The following TENM2 variants were observed in gnomAD, a reference collection of about 807,000 sequenced individuals.
The protein encoded by TENM2 is teneurin transmembrane protein 2.
In TENM2, 52 loss-of-function variants were observed where a neutral mutation model predicts 245.2. That is an observed-to-expected ratio of 0.21 (90% CI 0.17 to 0.27). The LOEUF (loss-of-function observed/expected upper bound fraction) is 0.27. Ranked by LOEUF, TENM2 falls within the 10% of genes least tolerant of loss-of-function variation. TENM2 has a pLI of 1.00. For synonymous variants in TENM2, 1,363 were observed against 1,438.9 expected (o/e 0.95, Z 1.19); for missense variants, 3,046 against 3,666.8 (o/e 0.83, Z 4.37).
chr5:167,379,073 A>T (rs758106218), intron 2 of TENM2, among the ~76,000 whole-genome samples: 8 of 152,194 alleles, frequency 5.3e-5, no homozygotes, highest in Non-Finnish European at 1.0e-4. Context: ...ACCCAAAGTA[A>T]ATAAGTACAA....
intron 1 of TENM2, among the ~76,000 whole-genome samples, chr5:167,372,702 ATATCT>A (rs1760509538): frequency 6.6e-6 from 1 of 152,266 alleles, no homozygotes. Context: ...ATGAAGCAAC[ATATCT>A]TATGACTCTG....
chr5:167,952,540 A>G (rs1216835838), intron 3 of TENM2, 48 bp from the exon 6 acceptor site: 2 of 1,482,398 alleles, frequency 1.3e-6, no homozygotes, highest in East Asian at 2.5e-5. Flanking sequence ...AGAGTGCCTG[A>G]GACTGGAATT....
intron 2 of TENM2, among the ~76,000 whole-genome samples, chr5:167,682,643 T>C (rs1274426796): frequency 1.3e-5 from 2 of 152,162 alleles, no homozygotes; most frequent in Non-Finnish European, 2.9e-5. Flanking sequence ...GGAGATTCTT[T>C]GTTAACCGTT....
intron 6 of TENM2, among the ~76,000 whole-genome samples, chr5:168,050,585 C>T (rs1788994116): frequency 1.3e-5 from 2 of 152,158 alleles, no homozygotes. Context: ...GGATAAGTAT[C>T]CAGCAGAAGC....
intron 2 of TENM2, among the ~76,000 whole-genome samples, chr5:167,645,716 C>G (rs1432306610): frequency 6.6e-6 from 1 of 151,278 alleles, no homozygotes. Flanking sequence ...AGTATGCTAT[C>G]AATGTTAGTT....
intron 2 of TENM2, among the ~76,000 whole-genome samples, chr5:167,823,634 T>C (rs1368890244): frequency 1.3e-5 from 2 of 152,164 alleles, no homozygotes; most frequent in South Asian, 4.1e-4. Context: ...TACCTTGAAG[T>C]GGCTGAGACC....
At chr5:167,617,898 A>G (rs1323344426) in intron 2 of TENM2, among the ~76,000 whole-genome samples, 1 of 152,170 alleles carries the variant, frequency 6.6e-6, no homozygotes, top group Non-Finnish European at 1.5e-5. Flanking sequence ...TCACATATGA[A>G]TTTTGTACCT....
At chr5:167,909,257 G>A (rs1776360387) in intron 3 of TENM2, among the ~76,000 whole-genome samples, 1 of 152,036 alleles carries the variant, frequency 6.6e-6, no homozygotes, top group African/African-American at 2.4e-5. Context: ...TTGGACTTTT[G>A]TAAGGGAAGT....
intron 2 of TENM2, among the ~76,000 whole-genome samples, chr5:167,853,889 A>T (rs540786864): frequency 1.3e-4 from 20 of 152,346 alleles, no homozygotes; most frequent in Non-Finnish European, 1.9e-4. Flanking sequence ...CCACAAAAAA[A>T]GTCTTATTAA....
At chr5:167,529,812 AG>A (rs1429617419) in intron 2 of TENM2, among the ~76,000 whole-genome samples, 2 of 152,186 alleles carry the variant, frequency 1.3e-5, no homozygotes, top group Admixed American at 1.3e-4. Context: ...CAGGCAGCAA[AG>A]GTTTTGGCAT....
intron 3 of TENM2, among the ~76,000 whole-genome samples, chr5:167,935,459 C>T (rs1046086016): frequency 5.9e-5 from 9 of 152,166 alleles, no homozygotes; most frequent in Admixed American, 3.9e-4. Flanking sequence ...CAGGTTAAGC[C>T]GTTGCTATTG....
intron 2 of TENM2, among the ~76,000 whole-genome samples, chr5:167,650,583 A>G (rs1353786024): frequency 6.6e-6 from 1 of 152,200 alleles, no homozygotes; most frequent in Non-Finnish European, 1.5e-5. Flanking sequence ...CTTTGGCAAC[A>G]TGAAGGGTAT....
intron 17 of TENM2, among the ~76,000 whole-genome samples, chr5:168,203,325 G>T (rs1762082270): frequency 6.6e-6 from 1 of 152,226 alleles, no homozygotes; most frequent in Non-Finnish European, 1.5e-5. Flanking sequence ...GTGAACAGCA[G>T]GCTGAGAGAA....
At chr5:167,498,736 G>GA (rs373940614) in intron 2 of TENM2, among the ~76,000 whole-genome samples, 20 of 150,150 alleles carry the variant, frequency 1.3e-4, no homozygotes, top group South Asian at 6.3e-4. Context: ...CATGAATTAA[G>GA]AAAAAAAAAT....
At chr5:167,600,388 G>A (rs1168332573) in intron 2 of TENM2, among the ~76,000 whole-genome samples, 1 of 152,040 alleles carries the variant, frequency 6.6e-6, no homozygotes, top group South Asian at 2.1e-4. Flanking sequence ...AAAAAATAAT[G>A]TTTTTCTTAA....
intron 28 of TENM2, among the ~76,000 whole-genome samples, chr5:168,260,966 T>C (rs2152722572): frequency 6.6e-6 from 1 of 152,242 alleles, no homozygotes; most frequent in South Asian, 2.1e-4. Context: ...TGGGAGGCGT[T>C]CAGATAACCC....
chr5:167,467,036 G>C (rs1317055934), intron 2 of TENM2, among the ~76,000 whole-genome samples: 3 of 152,144 alleles, frequency 2.0e-5, no homozygotes, highest in African/African-American at 7.2e-5. Context: ...TCAGCAGTAA[G>C]TTTAATAAAC....
At chr5:167,412,846 G>A (rs1389163635) in intron 2 of TENM2, among the ~76,000 whole-genome samples, 1 of 149,312 alleles carries the variant, frequency 6.7e-6, no homozygotes, top group Non-Finnish European at 1.5e-5. Flanking sequence ...TTAGGGAGAT[G>A]AGTGCAGAGT....
chr5:167,065,420 T>C, the TENM2 span, among the ~76,000 whole-genome samples: 1 of 152,200 alleles, frequency 6.6e-6, no homozygotes, highest in African/African-American at 2.4e-5. Context: ...TTTCTTCTTC[T>C]AAAATATTCC....
Sources: allele counts gnomAD v4.1 joint callset (sites outside exome capture counted in the v4.1 genomes callset), GRCh38; gene constraint gnomAD v4.1.1; transcripts MANE v1.5; gene names NCBI Gene and HGNC (gene_info 2026-07-23, HGNC 2026-07-21).